Variants in FOCAD observed in about 807,000 individuals in gnomAD.
The protein encoded by FOCAD is KIAA1797.
FOCAD carries 198 observed loss-of-function variants against 225.6 expected under a neutral mutation model. The observed-to-expected ratio is 0.88, with a 90% confidence interval of 0.78 to 0.99. FOCAD has a LOEUF of 0.99. Among genes scored for constraint, FOCAD ranks in the 50% least tolerant of loss-of-function variants. FOCAD has a pLI of 0.00. For synonymous variants in FOCAD, 897 were observed against 755.0 expected (o/e 1.19, Z -3.08); for missense variants, 2,713 against 2,123.6 (o/e 1.28, Z -5.46).
chr9:20,682,908 C>T (rs374691210), upstream of FOCAD, among the ~76,000 whole-genome samples: 1 of 152,088 alleles, frequency 6.6e-6, no homozygotes, highest in South Asian at 2.1e-4. Context: ...GTAGAGTAGC[C>T]GTGACTGCAG....
intron 1 of FOCAD, among the ~76,000 whole-genome samples, chr9:20,708,614 T>C (rs1021187706): frequency 6.6e-6 from 1 of 151,426 alleles, no homozygotes; most frequent in Non-Finnish European, 1.5e-5. Context: ...TACAAAAAAT[T>C]TTAAAAAAAC....
chr9:20,725,403 C>A (rs1826114553), intron 4 of FOCAD, among the ~76,000 whole-genome samples: 1 of 152,184 alleles, frequency 6.6e-6, no homozygotes, highest in Non-Finnish European at 1.5e-5. Flanking sequence ...TATTTATCTT[C>A]TAGCCTACTA....
intron 21 of FOCAD, among the ~76,000 whole-genome samples, chr9:20,906,638 A>G (rs193260395): frequency 2.9e-4 from 44 of 152,152 alleles, no homozygotes; most frequent in East Asian, 9.7e-4. Context: ...GGTGTGCACA[A>G]TTGCTGTGTG....
At chr9:20,918,597 G>A (rs909150193) in intron 24 of FOCAD, among the ~76,000 whole-genome samples, 10 of 151,752 alleles carry the variant, frequency 6.6e-5, no homozygotes, top group African/African-American at 9.7e-5. Context: ...AATGGCGGGC[G>A]CCTGTAGTCC....
At chr9:20,955,244 T>C (rs1838029242) in intron 35 of FOCAD, among the ~76,000 whole-genome samples, 1 of 152,172 alleles carries the variant, frequency 6.6e-6, no homozygotes, top group Admixed American at 6.5e-5. Flanking sequence ...AGAAATGTGA[T>C]GGGCCATCCC....
At chr9:20,946,464 A>G (rs1837189361) in intron 29 of FOCAD, among the ~76,000 whole-genome samples, 1 of 152,198 alleles carries the variant, frequency 6.6e-6, no homozygotes, top group African/African-American at 2.4e-5. Flanking sequence ...TGCTAGCTAC[A>G]TGAAATTGAG....
chr9:20,750,844 A>G (rs1828473737), intron 5 of FOCAD, among the ~76,000 whole-genome samples: 1 of 152,042 alleles, frequency 6.6e-6, no homozygotes, highest in Non-Finnish European at 1.5e-5. Flanking sequence ...CTTGGCATAG[A>G]ATTATTAGTA....
chr9:20,972,240 C>A (rs1219217223), intron 35 of FOCAD, among the ~76,000 whole-genome samples: 1 of 152,084 alleles, frequency 6.6e-6, no homozygotes, highest in East Asian at 1.9e-4. Flanking sequence ...ATAATCCTAC[C>A]AAGTGTACAT....
intron 10 of FOCAD, among the ~76,000 whole-genome samples, chr9:20,784,930 C>CT (rs757018310): frequency 1.4e-4 from 18 of 124,906 alleles, no homozygotes; most frequent in Admixed American, 3.2e-4. Context: ...TTCTTTCTTT[C>CT]TTTTTTTTTT....
chr9:20,879,904 C>T (rs927641747), intron 19 of FOCAD, among the ~76,000 whole-genome samples: 7 of 152,072 alleles, frequency 4.6e-5, no homozygotes, highest in African/African-American at 1.4e-4. Flanking sequence ...TGTTCTTGCC[C>T]CTTGACATGT....
In FOCAD at chr9:20,678,002, T is replaced by A. The variant is rs575813554; in HGVS notation, c.-77-16518T>A. Among the ~76,000 whole-genome samples the A allele has an allele frequency of 2.0e-5, 3 of 152,324 alleles. No homozygotes were observed. In the East Asian group the frequency reaches 5.8e-4, roughly 29 times the overall value. On this transcript the variant is annotated intron_variant, in intron 2 of 45. Transcript: ENST00000380249. Reference sequence around the variant, plus strand: ...TGTATATGAAGATATATTGAAGTTTTTATATATCCTTTGCTTTATTGAATC... The same window carrying A: ...TGTATATGAAGATATATTGAAGTTTATATATATCCTTTGCTTTATTGAATC...
At chr9:20,778,922 AGTT>A (rs1819073508) in intron 9 of FOCAD, among the ~76,000 whole-genome samples, 154 bp downstream of exon 9, 1 of 152,178 alleles carries the variant, frequency 6.6e-6, no homozygotes, top group African/African-American at 2.4e-5. Context: ...TTGTCTAATA[AGTT>A]GTTACCTTGT....
At chr9:20,879,484 A>G (rs1435058831) in intron 19 of FOCAD, among the ~76,000 whole-genome samples, 1 of 152,164 alleles carries the variant, frequency 6.6e-6, no homozygotes, top group East Asian at 1.9e-4. Context: ...TATTTATTCC[A>G]AATAGTTACC....
In FOCAD at chr9:20,803,178, T is replaced by G. The variant is rs79795154; in HGVS notation, c.1455+13570T>G. Among the ~76,000 whole-genome samples the G allele has an allele frequency of 3.8e-3, 585 of 152,180 alleles. 38 individuals are homozygous for G. The East Asian group carries it at 0.099, about 26-fold the overall frequency. On this transcript the variant is annotated intron_variant, in intron 11 of 43. Transcript: ENST00000338382. ...TTCAGCTTGAAATACTATAGATGCC[T>G]TGTTTTTAGGAAATGAGAGGATAGG...
intron 1 of FOCAD, among the ~76,000 whole-genome samples, chr9:20,711,506 C>G (rs999490839): frequency 6.6e-6 from 1 of 152,056 alleles, no homozygotes; most frequent in Non-Finnish European, 1.5e-5. Flanking sequence ...GCATGGAGAG[C>G]CCCAAGACTA....
Position 20,742,494 on chromosome 9 carries a change from G to A in FOCAD, c.392+2154G>A, listed in dbSNP as rs141849076. On this transcript the variant is annotated intron_variant, in intron 5 of 43. Transcript: ENST00000338382. ...GAGTAGCAGAGCTACCGCCGCATCG[G>A]CATACCTGTGAACCTGTGAAGAATG... Among the ~76,000 whole-genome samples the A allele has an allele frequency of 1.4e-3, 212 of 152,312 alleles. 2 individuals are homozygous for A. Among genetic ancestry groups the A allele is most frequent in the African/African-American group, 5.0e-3 (207 of 41,580 alleles).
At chr9:20,677,822 C>A (rs1399132891) in intron 2 of FOCAD, among the ~76,000 whole-genome samples, 1 of 152,094 alleles carries the variant, frequency 6.6e-6, no homozygotes, top group African/African-American at 2.4e-5. Context: ...TACTGCAATC[C>A]CACTTTTGAG....
At chr9:20,764,060 T>C (rs973843077) in intron 6 of FOCAD, among the ~76,000 whole-genome samples, 2 of 152,198 alleles carry the variant, frequency 1.3e-5, no homozygotes, top group African/African-American at 2.4e-5. Context: ...TTTAAAGACA[T>C]AACATGCAGT....
chr9:20,773,329 T>G (rs932990089), intron 8 of FOCAD, among the ~76,000 whole-genome samples: 2 of 152,248 alleles, frequency 1.3e-5, no homozygotes, highest in Non-Finnish European at 2.9e-5. Flanking sequence ...CTAGTGTGCA[T>G]AAAAATCACT....
Sources: allele counts gnomAD v4.1 joint callset (sites outside exome capture counted in the v4.1 genomes callset), GRCh38; gene constraint gnomAD v4.1.1; transcripts MANE v1.5; gene names NCBI Gene and HGNC (gene_info 2026-07-23, HGNC 2026-07-21).